LYRM4: variants seen among roughly 807,000 people sequenced by gnomAD.
The protein encoded by LYRM4 is LYR motif containing 4.
LYRM4 carries 9 observed loss-of-function variants against 11.7 expected under a neutral mutation model. The ratio of observed to expected loss-of-function variants is 0.77; its 90% confidence interval spans 0.46 to 1.34. LYRM4 has a LOEUF of 1.34. Ranked by LOEUF, LYRM4 falls within the 40% of genes most tolerant of loss-of-function variation. The pLI is 0.00. For missense variants in LYRM4, 133 were observed against 112.5 expected, an observed-to-expected ratio of 1.18 and a Z score of -0.82; for synonymous variants, 42 against 40.4, an observed-to-expected ratio of 1.04 and a Z score of -0.15.
the LYRM4 span, among the ~76,000 whole-genome samples, chr6:5,072,390 A>G: frequency 6.6e-6 from 1 of 152,146 alleles, no homozygotes; most frequent in Non-Finnish European, 1.5e-5. Context: ...TAGGTCTCTG[A>G]GGAATCGCCA....
the LYRM4 span, chr6:5,085,417 C>A: frequency 1.7e-6 from 2 of 1,185,138 alleles, no homozygotes; most frequent in African/African-American, 1.6e-5. Context: ...CCTTCCACGG[C>A]CCGAGGAGTT....
At chr6:5,216,856 T>C (rs1309326733) in intron 1 of LYRM4, 118 bp from the exon 2 acceptor site, 9 of 1,208,684 alleles carry the variant, frequency 7.4e-6, no homozygotes, top group Non-Finnish European at 1.0e-5. Flanking sequence ...CTACGGATAA[T>C]CCACTTTGAT....
intron 2 of LYRM4, among the ~76,000 whole-genome samples, chr6:5,123,938 G>T (rs768037693): frequency 1.3e-5 from 2 of 152,226 alleles, no homozygotes. Flanking sequence ...TGAAGATGAC[G>T]TGGATGGGAG....
intron 2 of LYRM4, among the ~76,000 whole-genome samples, chr6:5,168,099 T>C (rs2127663223): frequency 6.7e-6 from 1 of 149,436 alleles, no homozygotes; most frequent in African/African-American, 2.5e-5. Flanking sequence ...CATGAATCTA[T>C]CATGATACTT....
chr6:5,038,901 A>T, the LYRM4 span, among the ~76,000 whole-genome samples: 9 of 8,242 alleles, frequency 1.1e-3, 3 homozygotes, highest in Non-Finnish European at 2.7e-3. Flanking sequence ...AGGGAGAGGG[A>T]GAGGGAGAGG....
intron 1 of LYRM4, among the ~76,000 whole-genome samples, chr6:5,258,623 A>T (rs1267763491): frequency 6.6e-6 from 1 of 152,170 alleles, no homozygotes; most frequent in Non-Finnish European, 1.5e-5. Context: ...TTTTTATAAC[A>T]AGTAAGTTTA....
At chr6:5,100,860 C>T (rs1762477263), downstream of LYRM4, among the ~76,000 whole-genome samples, 1 of 152,232 alleles carries the variant, frequency 6.6e-6, no homozygotes. Context: ...CGCCCCCATC[C>T]TTTATTCTGT....
At position 5,140,387 on chromosome 6, in the gene LYRM4, T is replaced by C. The variant is rs540774259; in HGVS notation, c.208-30896A>G. Reference sequence around the variant, plus strand: ...TCTTTTAACAATACTTAAAAAAAAATAAAGCTTAACTAAAATTTGAAAAGA... The same window carrying C: ...TCTTTTAACAATACTTAAAAAAAAACAAAGCTTAACTAAAATTTGAAAAGA... On this transcript the variant is annotated intron_variant, in intron 2 of 2. Transcript: ENST00000330636. Among the ~76,000 whole-genome samples, 98 of 152,032 alleles carry C rather than the reference T, an allele frequency of 6.4e-4. 1 individual carries two copies. Among genetic ancestry groups the C allele is most frequent in the Admixed American group, 2.8e-3 (42 of 15,270 alleles).
At position 5,245,103 on chromosome 6, in the gene LYRM4, AAAAAAAAAAAATATATATATATATATAT is replaced by A. The variant is rs1164209749; in HGVS notation, c.86+15517_86+15544del. Among the ~76,000 whole-genome samples the A allele has an allele frequency of 9.1e-3, 530 of 58,392 alleles. 14 individuals carry two copies. Among genetic ancestry groups the A allele is most frequent in the Middle Eastern group, 0.021 (3 of 142 alleles). The allele number at this position is 58,392 out of a possible 152,430, so 38.3% of individuals were successfully genotyped here. A position where few individuals can be genotyped will look rare whatever the true frequency, so the allele number is the denominator to read the frequency against. The stretch of plus-strand genomic sequence containing the variant: ...CAGGAAGACCTTAAAAAAAAAAAAA[AAAAAAAAAAAATATATATATATATATAT>A]ATATATATATATATATATATATATA... On this transcript the variant is annotated intron_variant, in intron 1 of 2. Transcript: ENST00000330636.
At chr6:5,231,794 G>C (rs1281293323) in intron 1 of LYRM4, among the ~76,000 whole-genome samples, 1 of 152,116 alleles carries the variant, frequency 6.6e-6, no homozygotes, top group Non-Finnish European at 1.5e-5. Flanking sequence ...ATATTGTCTT[G>C]AAACAAAGTT....
the LYRM4 span, chr6:5,066,896 TC>T: frequency 2.6e-6 from 3 of 1,147,522 alleles, no homozygotes; most frequent in Non-Finnish European, 3.7e-6. Context: ...GCATCGCCGC[TC>T]CAGACCCTAA....
In LYRM4 at chr6:5,193,164, T is replaced by C. The variant is rs75940389; in HGVS notation, c.207+23454A>G. The stretch of plus-strand genomic sequence containing the variant: ...CTTAAACAAGAAGAGAGGGCTGACA[T>C]GACAAACAACAAAAGTAACAACAAG... On this transcript the variant is annotated intron_variant, in intron 2 of 2. Transcript: ENST00000330636. Among the ~76,000 whole-genome samples the C allele has an allele frequency of 6.3e-3, 954 of 152,234 alleles. 11 individuals carry two copies. The highest frequency in any genetic ancestry group is 0.044 in the South Asian group (210 of 4,818).
the LYRM4 span, among the ~76,000 whole-genome samples, chr6:5,081,134 CGGGGGGGGG>C: frequency 7.9e-6 from 1 of 126,114 alleles, no homozygotes; most frequent in Non-Finnish European, 1.6e-5. Context: ...CACACTTGGG[CGGGGGGGGG>C]GGGGGGGTAG....
downstream of LYRM4, chr6:5,103,977 A>G (rs1191581415): frequency 2.8e-4 from 37 of 133,430 alleles, no homozygotes; most frequent in Non-Finnish European, 3.2e-4. Flanking sequence ...AGTTTATATG[A>G]AGTACTTAGC....
At chr6:5,093,892 C>T in the LYRM4 span, among the ~76,000 whole-genome samples, 7 of 152,346 alleles carry the variant, frequency 4.6e-5, no homozygotes, top group Non-Finnish European at 8.8e-5. Context: ...AATGTAGCCT[C>T]GCCAGGTGTG....
chr6:5,125,447 C>T (rs376265953), intron 2 of LYRM4, among the ~76,000 whole-genome samples: 430 of 152,364 alleles, frequency 2.8e-3, no homozygotes, highest in Non-Finnish European at 3.8e-3. Flanking sequence ...TCCTCGAGCA[C>T]AGTGACCCTG....
chr6:5,066,439 G>C, the LYRM4 span: 1 of 755,092 alleles, frequency 1.3e-6, no homozygotes, highest in Non-Finnish European at 2.5e-6. Flanking sequence ...GCTGTCCAAG[G>C]AACTGCTTCT....
chr6:5,077,828 A>G, the LYRM4 span, among the ~76,000 whole-genome samples: 1 of 152,242 alleles, frequency 6.6e-6, no homozygotes, highest in Admixed American at 6.5e-5. Flanking sequence ...AATCACATAA[A>G]TAGAAGCAAA....
chr6:5,071,488 C>T, the LYRM4 span, among the ~76,000 whole-genome samples: 1 of 151,662 alleles, frequency 6.6e-6, no homozygotes, highest in Non-Finnish European at 1.5e-5. Context: ...GCTTGGACAT[C>T]AAATTTAAGG....
Sources: gnomAD v4.1 joint callset for allele counts (sites outside exome capture counted in the v4.1 genomes callset) on GRCh38, gnomAD v4.1.1 for gene constraint, MANE v1.5 for transcripts, NCBI Gene and HGNC (gene_info 2026-07-23, HGNC 2026-07-21) for gene names.